Variants in EEPD1 observed in about 807,000 individuals in gnomAD.
The protein encoded by EEPD1 is endonuclease/exonuclease/phosphatase family domain-containing protein 1.
A neutral mutation model predicts 46.3 loss-of-function variants in EEPD1; 17 were observed. The ratio of observed to expected loss-of-function variants is 0.37; its 90% CI spans 0.25 to 0.55. EEPD1 has a LOEUF of 0.55. Ranked by LOEUF, EEPD1 falls within the 20% of genes least tolerant of loss-of-function variation. The pLI is 0.83. For synonymous variants in EEPD1, 313 were observed against 315.6 expected, an observed-to-expected ratio of 0.99 and a Z score of 0.09; for missense variants, 673 against 745.6, an observed-to-expected ratio of 0.90 and a Z score of 1.13.
intron 2 of EEPD1, among the ~76,000 whole-genome samples, chr7:36,196,485 C>T (rs1467470002): frequency 6.6e-6 from 1 of 152,232 alleles, no homozygotes; most frequent in Non-Finnish European, 1.5e-5. Flanking sequence ...TGTACTGCTG[C>T]CATCTTGGCT....
chr7:36,270,952 T>C (rs1413048878), intron 3 of EEPD1, among the ~76,000 whole-genome samples: 1 of 151,830 alleles, frequency 6.6e-6, no homozygotes, highest in Non-Finnish European at 1.5e-5. Context: ...CTCCACATCC[T>C]CTCCAGCAAG....
chr7:36,156,216 T>G (rs761178994), intron 2 of EEPD1, among the ~76,000 whole-genome samples: 1 of 152,152 alleles, frequency 6.6e-6, no homozygotes, highest in Non-Finnish European at 1.5e-5. Context: ...AAGTGAACTC[T>G]CAGCGGGAAA....
intron 2 of EEPD1, among the ~76,000 whole-genome samples, chr7:36,200,065 C>T (rs919276876): frequency 6.6e-6 from 1 of 151,348 alleles, no homozygotes; most frequent in African/African-American, 2.4e-5. Flanking sequence ...CAGATTATTT[C>T]GTCACCCAGG....
At chr7:36,287,547 T>C (rs1461223879) in intron 5 of EEPD1, 92 bp from the exon 6 acceptor site, 1 of 1,517,060 alleles carries the variant, frequency 6.6e-7, no homozygotes, top group Non-Finnish European at 8.9e-7. Flanking sequence ...TTGTCAACTC[T>C]GTGCACAAAG....
intron 3 of EEPD1, among the ~76,000 whole-genome samples, chr7:36,245,277 G>A (rs1292272442): frequency 6.6e-6 from 1 of 152,060 alleles, no homozygotes; most frequent in Non-Finnish European, 1.5e-5. Context: ...ACATTGTGAA[G>A]AGGGGGACAT....
At chr7:36,182,456 T>A (rs974909054) in intron 2 of EEPD1, among the ~76,000 whole-genome samples, 2 of 152,256 alleles carry the variant, frequency 1.3e-5, no homozygotes, top group African/African-American at 4.8e-5. Flanking sequence ...TATCTTGATT[T>A]TTTTGAACCA....
At chr7:36,292,785 G>A (rs947858272) in intron 6 of EEPD1, among the ~76,000 whole-genome samples, 1 of 152,138 alleles carries the variant, frequency 6.6e-6, no homozygotes, top group African/African-American at 2.4e-5. Flanking sequence ...GGGATTACAG[G>A]TGTGAGCCAC....
At chr7:36,259,091 C>T (rs1015854031) in intron 3 of EEPD1, among the ~76,000 whole-genome samples, 45 of 152,084 alleles carry the variant, frequency 3.0e-4, no homozygotes, top group African/African-American at 7.7e-4. Context: ...CCCTTGGCTA[C>T]GGGAGGGAGT....
chr7:36,252,515 A>G (rs11765765), intron 3 of EEPD1, among the ~76,000 whole-genome samples: 13,142 of 152,184 alleles, frequency 0.086, 791 homozygotes, highest in Admixed American at 0.15. Context: ...TATCTCCTTG[A>G]GATGCCCTCT....
intron 2 of EEPD1, among the ~76,000 whole-genome samples, chr7:36,156,192 A>G (rs1184261197): frequency 6.6e-6 from 1 of 152,072 alleles, no homozygotes; most frequent in Non-Finnish European, 1.5e-5. Flanking sequence ...GGGGGGCAGC[A>G]GTTTGGTGAC....
At position 36,299,326 on chromosome 7, in the gene EEPD1, C is replaced by G; in HGVS notation, c.*120C>G. On this transcript the variant is annotated 3_prime_UTR_variant, in exon 8 of 8. Transcript: ENST00000242108. ...AATTTTTATTCTCAGAGCATCAGCA[C>G]TTGAGGCCTTGCCCCACGCCTTCTC... is the stretch of plus-strand genomic sequence containing the variant. 8.3e-7 allele frequency: 1 copy of G among 1,209,688 alleles called. No individual in the cohort carries two copies. The highest frequency in any genetic ancestry group is 1.5e-5 in the South Asian group (1 of 66,350). 74.9% of individuals were successfully genotyped at this position (1,209,688 alleles called of 1,614,324 possible). A position where few individuals can be genotyped will look rare whatever the true frequency, so the allele number is the denominator to read the frequency against.
chr7:36,211,177 T>C (rs965581604), intron 2 of EEPD1, among the ~76,000 whole-genome samples: 1 of 152,194 alleles, frequency 6.6e-6, no homozygotes, highest in Non-Finnish European at 1.5e-5. Flanking sequence ...TGGCAGTATC[T>C]TCGGTGCCCT....
intron 2 of EEPD1, among the ~76,000 whole-genome samples, chr7:36,237,552 C>G (rs987781028): frequency 1.3e-5 from 2 of 152,214 alleles, no homozygotes; most frequent in Non-Finnish European, 2.9e-5. Flanking sequence ...AAAGGGGTCC[C>G]CATGTAGACC....
intron 2 of EEPD1, among the ~76,000 whole-genome samples, chr7:36,161,147 G>A (rs1034133617): frequency 1.3e-5 from 2 of 152,126 alleles, no homozygotes; most frequent in African/African-American, 4.8e-5. Context: ...GGGACTTTAG[G>A]TGACTATTTC....
intron 2 of EEPD1, among the ~76,000 whole-genome samples, chr7:36,201,728 C>T (rs1785715254): frequency 6.6e-6 from 1 of 152,190 alleles, no homozygotes; most frequent in Non-Finnish European, 1.5e-5. Context: ...TTATCTCTGC[C>T]AACCCTCACC....
chr7:36,248,471 T>C (rs2115804060), intron 3 of EEPD1, among the ~76,000 whole-genome samples: 1 of 150,762 alleles, frequency 6.6e-6, no homozygotes, highest in South Asian at 2.1e-4. Context: ...CCTCCCAAAG[T>C]GCTGGGATTA....
In EEPD1 at chr7:36,154,527, G is replaced by A; in HGVS notation, c.203G>A (p.Arg68Gln). 1 of 1,614,216 alleles carries A rather than the reference G, an allele frequency of 6.2e-7. No homozygotes were observed. Among genetic ancestry groups the A allele is most frequent in the Non-Finnish European group, 8.5e-7 (1 of 1,180,034 alleles). Residue 68 changes from arginine to glutamine, a missense_variant, in exon 2 of 8, where the codon CGA becomes CAA. Physicochemically the swap from Arg to Gln is conservative, Grantham distance 43. Transcript: ENST00000242108. The surrounding 1 kb of genome is among the most constrained non-coding windows in gnomAD (Gnocchi z 4.2). ...RAVARSIVEY[R>Q]EYIGGFKKVE... ...GTGGCACGCAGCATCGTGGAGTACC[G>A]AGAGTATATCGGTGGCTTCAAGAAG...
At chr7:36,258,490 T>G (rs1019532723) in intron 3 of EEPD1, among the ~76,000 whole-genome samples, 2 of 152,202 alleles carry the variant, frequency 1.3e-5, no homozygotes, top group Admixed American at 1.3e-4. Flanking sequence ...AGCCACTGAC[T>G]GGGGCTGCTG....
intron 3 of EEPD1, among the ~76,000 whole-genome samples, chr7:36,279,093 TC>T (rs55667644): frequency 0.81 from 121,659 of 149,564 alleles, 49,908 homozygotes; most frequent in Non-Finnish European, 0.87. Flanking sequence ...CCACCCCGAC[TC>T]CCCCGCATCC....
Sources: gnomAD v4.1 joint callset for allele counts (sites outside exome capture counted in the v4.1 genomes callset) on GRCh38, gnomAD v4.1.1 for gene constraint, Gnocchi (gnomAD v3.1) non-coding constraint, MANE v1.5 for transcripts, NCBI Gene and HGNC (gene_info 2026-07-23, HGNC 2026-07-21) for gene names.